SHROOM3: variants seen among roughly 807,000 people sequenced by gnomAD.
SHROOM3 encodes protein Shroom3.
SHROOM3 carries 47 observed loss-of-function variants against 138.6 expected under a neutral mutation model. That is an observed-to-expected ratio of 0.34 (90% confidence interval 0.27 to 0.43). The LOEUF is 0.43. Ranked by LOEUF, SHROOM3 falls within the 20% of genes least tolerant of loss-of-function variation. SHROOM3 has a pLI of 1.00. For synonymous variants in SHROOM3, 1,062 were observed against 1,063.3 expected (o/e 1.00, Z 0.02); for missense variants, 2,491 against 2,596.5 (o/e 0.96, Z 0.88).
intron 2 of SHROOM3, among the ~76,000 whole-genome samples, chr4:76,606,442 GC>G (rs1357580237): frequency 6.7e-6 from 1 of 150,258 alleles, no homozygotes; most frequent in South Asian, 2.2e-4. Flanking sequence ...GGGTGCAGTG[GC>G]TCACACCTGT....
At chr4:76,749,743 A>G (rs950711334) in intron 6 of SHROOM3, among the ~76,000 whole-genome samples, 1 of 152,224 alleles carries the variant, frequency 6.6e-6, no homozygotes, top group East Asian at 1.9e-4. Context: ...CATCAAAATC[A>G]TATATCCTGG....
chr4:76,502,861 A>G (rs1470316916), intron 1 of SHROOM3, among the ~76,000 whole-genome samples: 1 of 152,198 alleles, frequency 6.6e-6, no homozygotes, highest in African/African-American at 2.4e-5. Flanking sequence ...TCGTATGGCT[A>G]TCCAGTGAAC....
At chr4:76,529,978 G>C (rs1478135386) in intron 1 of SHROOM3, among the ~76,000 whole-genome samples, 1 of 152,150 alleles carries the variant, frequency 6.6e-6, no homozygotes, top group Admixed American at 6.5e-5. Flanking sequence ...TGAATAGCAT[G>C]GTATGTTCAA....
chr4:76,737,536 A>G (rs1387290224), intron 4 of SHROOM3, among the ~76,000 whole-genome samples: 2 of 152,154 alleles, frequency 1.3e-5, no homozygotes, highest in African/African-American at 4.8e-5. Flanking sequence ...GCCATTTTGC[A>G]TTACCACCTG....
chr4:76,698,250 C>T (rs770391006), intron 2 of SHROOM3, among the ~76,000 whole-genome samples: 3 of 152,152 alleles, frequency 2.0e-5, no homozygotes, highest in Non-Finnish European at 2.9e-5. Context: ...ATTATGGACA[C>T]AAATGCATTT....
chr4:76,453,698 C>T lies in SHROOM3; in HGVS notation c.168+17478C>T, dbSNP rs145403638. The stretch of plus-strand genomic sequence containing the variant: ...CATCTTCTTTGGTGAAATGTCTGTT[C>T]CAGCCCTTTGTTCATTTTTTAAATT... On this transcript the variant is annotated intron_variant, in intron 1 of 10. Transcript: ENST00000296043. 4.4e-3 allele frequency among the ~76,000 whole-genome samples: 668 copies of T among 152,148 alleles called. 4 individuals carry two copies. The highest frequency in any genetic ancestry group is 0.015 in the African/African-American group (642 of 41,512).
chr4:76,617,594 G>A (rs1734910223), intron 2 of SHROOM3, among the ~76,000 whole-genome samples: 1 of 152,166 alleles, frequency 6.6e-6, no homozygotes, highest in African/African-American at 2.4e-5. Flanking sequence ...CTTATGCTAA[G>A]ATGTATGACT....
intron 1 of SHROOM3, among the ~76,000 whole-genome samples, chr4:76,441,827 A>T (rs1002882947): frequency 6.6e-6 from 1 of 152,100 alleles, no homozygotes; most frequent in African/African-American, 2.4e-5. Context: ...GGTTCAAGCG[A>T]TTCTCCTGCC....
intron 2 of SHROOM3, among the ~76,000 whole-genome samples, chr4:76,597,515 G>T (rs1312321083): frequency 6.6e-6 from 1 of 151,928 alleles, no homozygotes; most frequent in Non-Finnish European, 1.5e-5. Context: ...GAGAGTAGAG[G>T]GTCCCACAAA....
intron 1 of SHROOM3, among the ~76,000 whole-genome samples, chr4:76,499,406 G>C (rs577312550): frequency 7.3e-5 from 11 of 151,612 alleles, no homozygotes; most frequent in African/African-American, 2.7e-4. Flanking sequence ...TTTGTTGCTA[G>C]TGACAATACA....
rs190352241 is a variant in SHROOM3, at chr4:76,519,549, C to G, written c.169-36060C>G. Among the ~76,000 whole-genome samples the G allele has an allele frequency of 7.9e-4, 121 of 152,240 alleles. No homozygotes were observed. The East Asian group carries it at 0.022, about 28-fold the overall frequency. ...AATCGCAGTTGGTCTCATTTCCCCCCAGAACAAACATCTTTTCCTTTATCT... is the reference window on the plus strand; with the variant it reads ...AATCGCAGTTGGTCTCATTTCCCCCGAGAACAAACATCTTTTCCTTTATCT... On this transcript the variant is annotated intron_variant, in intron 1 of 10. Transcript: ENST00000296043.
chr4:76,469,912 T>C (rs1359224409), intron 1 of SHROOM3, among the ~76,000 whole-genome samples: 1 of 152,150 alleles, frequency 6.6e-6, no homozygotes, highest in Non-Finnish European at 1.5e-5. Context: ...GATTGAGATT[T>C]AAGACGAAAT....
At chr4:76,778,085 G>GT (rs1018913232) in intron 10 of SHROOM3, among the ~76,000 whole-genome samples, 1 of 152,122 alleles carries the variant, frequency 6.6e-6, no homozygotes, top group Non-Finnish European at 1.5e-5. Context: ...CACCTCCAGA[G>GT]TTTTTTATTC....
intron 2 of SHROOM3, among the ~76,000 whole-genome samples, chr4:76,629,951 T>A (rs1489662490): frequency 6.6e-6 from 1 of 152,200 alleles, no homozygotes; most frequent in African/African-American, 2.4e-5. Context: ...ATATGAACCA[T>A]GAAATTTCCA....
At chr4:76,775,342 G>GTGTGTGTGTA (rs1722516842) in intron 10 of SHROOM3, among the ~76,000 whole-genome samples, 1 of 151,130 alleles carries the variant, frequency 6.6e-6, no homozygotes, top group South Asian at 2.1e-4. Context: ...GTGTGTGTGT[G>GTGTGTGTGTA]TAAACCACAA....
intron 6 of SHROOM3, among the ~76,000 whole-genome samples, chr4:76,753,005 C>T (rs745430715): frequency 1.3e-5 from 2 of 152,166 alleles, no homozygotes; most frequent in African/African-American, 2.4e-5. Context: ...GCAAAGGAGA[C>T]GTCACTGTTC....
At position 76,740,537 on chromosome 4, in the gene SHROOM3, C is replaced by T. The variant is rs777984253; in HGVS notation, c.2364C>T (p.Phe788=). The change falls in exon 5 of 11, where the codon TTC becomes TTT. Residue 788 remains phenylalanine (F), a synonymous_variant. Transcript: ENST00000296043. This position sits in a 1 kb window ranked among gnomAD's most constrained non-coding sequence, Gnocchi z 4.0. ...HCSVLEKVSK[F]EQREQGSQRP... ...CGGTGCTGGAGAAGGTCTCCAAATTCGAGCAGCGAGAGCAAGGGAGCCAGA... is the reference window on the plus strand; with the variant it reads ...CGGTGCTGGAGAAGGTCTCCAAATTTGAGCAGCGAGAGCAAGGGAGCCAGA... 4 of 1,614,066 alleles carry T rather than the reference C, an allele frequency of 2.5e-6. No homozygotes were observed. Among genetic ancestry groups the T allele is most frequent in the East Asian group, 4.5e-5 (2 of 44,868 alleles).
At position 76,777,533 on chromosome 4, in the gene SHROOM3, G is replaced by A. The variant is rs1276867608; in HGVS notation, c.5623-1276G>A. Among the ~76,000 whole-genome samples, 4 of 152,200 alleles carry A rather than the reference G, an allele frequency of 2.6e-5. 1 individual carries two copies. The South Asian group carries it at 6.2e-4, about 24-fold the overall frequency. On this transcript the variant is annotated intron_variant, in intron 10 of 10. Transcript: ENST00000296043. ...GGTTTTCTAGGTATAGGATCATATC[G>A]TTGGCAAACAGCAACAGTTTGGCTT...
intron 1 of SHROOM3, among the ~76,000 whole-genome samples, chr4:76,463,731 C>T (rs1299839986): frequency 6.6e-6 from 1 of 152,210 alleles, no homozygotes; most frequent in Non-Finnish European, 1.5e-5. Context: ...ACTGTGGCTG[C>T]TCCAGCTCCA....
Sources: gnomAD v4.1 joint callset for allele counts (sites outside exome capture counted in the v4.1 genomes callset) on GRCh38, gnomAD v4.1.1 for gene constraint, Gnocchi (gnomAD v3.1) non-coding constraint, MANE v1.5 for transcripts, NCBI Gene and HGNC (gene_info 2026-07-23, HGNC 2026-07-21) for gene names.